Variants in RNFT2 observed in about 807,000 individuals in gnomAD.
The protein encoded by RNFT2 is ring finger protein, transmembrane 2.
A neutral mutation model predicts 53.0 loss-of-function variants in RNFT2; 36 were observed. The observed-to-expected ratio is 0.68, with a 90% CI of 0.52 to 0.90. RNFT2 has a LOEUF of 0.90. Among genes scored for constraint, RNFT2 ranks in the 40% least tolerant of loss-of-function variants. The probability of loss-of-function intolerance (pLI) is 0.00; values close to 1 mark genes in which losing one functional copy is unlikely to be tolerated. For synonymous variants in RNFT2, 260 were observed against 253.2 expected, an observed-to-expected ratio of 1.03 and a Z score of -0.26; for missense variants, 514 against 585.6, an observed-to-expected ratio of 0.88 and a Z score of 1.26.
rs1877933335 is a variant in RNFT2 at position 116,851,726 on chromosome 12, G to A, written c.*2278G>A. 7.1e-6 allele frequency: 5 copies of A among 700,946 alleles called. No individual in the cohort carries two copies. In the East Asian group the frequency reaches 1.3e-4, roughly 19 times the overall value. 43.4% of individuals were successfully genotyped at this position (700,946 alleles called of 1,614,324 possible). A position where few individuals can be genotyped will look rare whatever the true frequency, so the allele number is the denominator to read the frequency against. ...ACAGCACTCCAACCTGGGTGACAGA[G>A]TGAGTGAGACTCTGTCTAAAAAAAA... On this transcript the variant is annotated 3_prime_UTR_variant, in exon 11 of 11. Coordinates refer to ENST00000257575, the MANE Select transcript of RNFT2 (RefSeq NM_001382266.1).
chr12:116,808,830 C>T (rs189463373), intron 7 of RNFT2, among the ~76,000 whole-genome samples: 15 of 152,300 alleles, frequency 9.8e-5, no homozygotes, highest in African/African-American at 3.1e-4. Context: ...TCTTGCTCCC[C>T]GTCCTGTGCT....
chr12:116,815,660 G>A (rs1464955286), intron 7 of RNFT2, among the ~76,000 whole-genome samples: 1 of 152,130 alleles, frequency 6.6e-6, no homozygotes, highest in African/African-American at 2.4e-5. Flanking sequence ...CCCCATCTCA[G>A]GAGCCTTAAT....
intron 10 of RNFT2, among the ~76,000 whole-genome samples, chr12:116,841,817 A>ATAT (rs1565875974): frequency 1.3e-5 from 1 of 79,740 alleles, no homozygotes; most frequent in African/African-American, 7.7e-5. Flanking sequence ...ATATATATAT[A>ATAT]AAAATATATA....
chr12:116,817,735 A>G (rs757589942), intron 7 of RNFT2, among the ~76,000 whole-genome samples: 1 of 152,264 alleles, frequency 6.6e-6, no homozygotes, highest in Non-Finnish European at 1.5e-5. Context: ...AGTATGGAGT[A>G]AGACCACACT....
chr12:116,797,203 C>G (rs1392420368), intron 7 of RNFT2, among the ~76,000 whole-genome samples: 1 of 152,180 alleles, frequency 6.6e-6, no homozygotes, highest in East Asian at 1.9e-4. Flanking sequence ...CTGTGCCCCC[C>G]AAAATATGTG....
intron 10 of RNFT2, among the ~76,000 whole-genome samples, chr12:116,844,959 G>A (rs1877529231): frequency 6.6e-6 from 1 of 152,112 alleles, no homozygotes; most frequent in South Asian, 2.1e-4. Flanking sequence ...TCTCAATCCA[G>A]TGGCTGGGCA....
intron 5 of RNFT2, among the ~76,000 whole-genome samples, chr12:116,756,637 C>G (rs2137083963): frequency 6.6e-6 from 1 of 152,248 alleles, no homozygotes; most frequent in South Asian, 2.1e-4. Flanking sequence ...CATTTATTGA[C>G]TTGTGCATGT....
rs1284269882 is a variant in RNFT2 at position 116,743,228 on chromosome 12, AAAAAAAAAAAAAAAAAC to A, written c.83+2135_83+2151del. On this transcript the variant is annotated intron_variant, in intron 3 of 10. Transcript: ENST00000257575. ...AGGTAGAATCTAAAAAAAAAAAAAA[AAAAAAAAAAAAAAAAAC>A]CGGTTAAAAAACACTCATGAGCTAG... Among the ~76,000 whole-genome samples the A allele has an allele frequency of 4.3e-3, 518 of 120,412 alleles. 61 individuals are homozygous for A. Among genetic ancestry groups the A allele is most frequent in the African/African-American group, 0.014 (467 of 32,818 alleles). 79.0% of individuals were successfully genotyped at this position (120,412 alleles called of 152,430 possible). A position where few individuals can be genotyped will look rare whatever the true frequency, so the allele number is the denominator to read the frequency against.
At chr12:116,800,828 TAA>T (rs1330529913) in intron 7 of RNFT2, among the ~76,000 whole-genome samples, 5 of 133,188 alleles carry the variant, frequency 3.8e-5, no homozygotes, top group African/African-American at 1.5e-4. Context: ...TAAAATAAAA[TAA>T]AATAAAATAA....
In RNFT2 at chr12:116,838,805, G is replaced by A. The variant is rs1393796944; in HGVS notation, c.1200+2523G>A. ...TCTCCTGATACCACTATGTGCAACT[G>A]GATTAGAAATTCTTGGGAGGAGTCA... is the stretch of plus-strand genomic sequence containing the variant. On this transcript the variant is annotated intron_variant, in intron 10 of 10. Coordinates refer to ENST00000257575, the MANE Select transcript of RNFT2 (RefSeq NM_001382266.1). Among the ~76,000 whole-genome samples the A allele has an allele frequency of 2.6e-5, 4 of 152,184 alleles. No individual in the cohort carries two copies. The East Asian group carries it at 7.7e-4, about 29-fold the overall frequency.
rs1871549950 is a variant in RNFT2, at chr12:116,740,402, G to C, written c.-96G>C. On this transcript the variant is annotated 5_prime_UTR_variant, in exon 2 of 11. Transcript: ENST00000257575. Reference sequence around the variant, plus strand: ...GCATCCCTCTGGAGACGAAGAGGAGGGGGAGGCCTGTCCTCTCTGGGATCC... The same window carrying C: ...GCATCCCTCTGGAGACGAAGAGGAGCGGGAGGCCTGTCCTCTCTGGGATCC... The C allele has an allele frequency of 8.1e-7, 1 of 1,241,474 alleles. No homozygotes were observed. The highest frequency in any genetic ancestry group is 1.2e-6 in the Non-Finnish European group (1 of 866,978). The allele number at this position is 1,241,474 out of a possible 1,614,324, so 76.9% of individuals were successfully genotyped here. A position where few individuals can be genotyped will look rare whatever the true frequency, so the allele number is the denominator to read the frequency against.
Position 116,849,405 on chromosome 12 carries a change from G to A in RNFT2, c.1292G>A (p.Cys431Tyr). The change falls in exon 11 of 11, where the codon TGC becomes TAC. Residue 431 changes from cysteine (C) to tyrosine (Y), a missense_variant. Cys to Tyr is a radical substitution (Grantham distance 194). Coordinates refer to ENST00000257575, the MANE Select transcript of RNFT2 (RefSeq NM_001382266.1). ...TCGGTCGCCGTGGACACCCTGCGCTGCTGGAAGGACGGCGCCACGTCCGCA... is the reference window on the plus strand; with the variant it reads ...TCGGTCGCCGTGGACACCCTGCGCTACTGGAAGGACGGCGCCACGTCCGCA... ...CRSVAVDTLR[C>Y]WKDGATSAHF... 1.9e-6 allele frequency: 3 copies of A among 1,581,444 alleles called. No homozygotes were observed. Among genetic ancestry groups the A allele is most frequent in the Admixed American group, 3.6e-5 (2 of 56,248 alleles).
chr12:116,824,209 T>C (rs1876202776), intron 7 of RNFT2, among the ~76,000 whole-genome samples: 1 of 152,106 alleles, frequency 6.6e-6, no homozygotes, highest in Non-Finnish European at 1.5e-5. Context: ...ATGTATAGAC[T>C]CCCATTCCTA....
chr12:116,841,151 G>A (rs1345039703), intron 10 of RNFT2, among the ~76,000 whole-genome samples: 1 of 152,072 alleles, frequency 6.6e-6, no homozygotes, highest in African/African-American at 2.4e-5. Flanking sequence ...AGTTTTTACG[G>A]GTCAAGAATC....
chr12:116,795,306 G>A (rs1874451784), intron 7 of RNFT2, among the ~76,000 whole-genome samples: 1 of 151,900 alleles, frequency 6.6e-6, no homozygotes, highest in Admixed American at 6.6e-5. Context: ...TACTCCAGAG[G>A]CTGAGTCAGA....
chr12:116,753,649 G>A (rs1291520443), intron 4 of RNFT2, among the ~76,000 whole-genome samples: 1 of 152,078 alleles, frequency 6.6e-6, no homozygotes, highest in African/African-American at 2.4e-5. Flanking sequence ...GGCTTAGAGA[G>A]GTGCGGTGAC....
chr12:116,819,314 G>A (rs1384835893), intron 7 of RNFT2, among the ~76,000 whole-genome samples: 2 of 152,212 alleles, frequency 1.3e-5, no homozygotes, highest in African/African-American at 4.8e-5. Flanking sequence ...TCCGCGAAGG[G>A]CTAAGAGCCT....
chr12:116,793,028 G>A (rs1391509412), intron 7 of RNFT2, among the ~76,000 whole-genome samples: 4 of 151,912 alleles, frequency 2.6e-5, no homozygotes, highest in African/African-American at 9.7e-5. Flanking sequence ...CAATTCCCAC[G>A]TGCCTTGCAA....
rs765393299 is a variant in RNFT2 at position 116,853,378 on chromosome 12, T to C, written c.*3930T>C. On this transcript the variant is annotated 3_prime_UTR_variant, in exon 11 of 11. Coordinates refer to ENST00000257575, the MANE Select transcript of RNFT2 (RefSeq NM_001382266.1). ...TTCATGTAAAATATCTTGAGAATAA[T>C]AAATGTGAGGGAATAAGAAAGGCAA... 121 of 393,520 alleles carry C rather than the reference T, an allele frequency of 3.1e-4. No homozygotes were observed. Among genetic ancestry groups the C allele is most frequent in the Middle Eastern group, 1.3e-3 (2 of 1,556 alleles). 24.4% of individuals were successfully genotyped at this position (393,520 alleles called of 1,614,324 possible). A position where few individuals can be genotyped will look rare whatever the true frequency, so the allele number is the denominator to read the frequency against.
Sources: gnomAD v4.1 joint callset for allele counts (sites outside exome capture counted in the v4.1 genomes callset) on GRCh38, gnomAD v4.1.1 for gene constraint, MANE v1.5 for transcripts, NCBI Gene and HGNC (gene_info 2026-07-23, HGNC 2026-07-21) for gene names.